The following DNAH8 variants were observed in gnomAD, a reference collection of about 807,000 sequenced individuals.
DNAH8 encodes axonemal beta dynein heavy chain 8.
DNAH8 carries 382 observed loss-of-function variants against 562.1 expected under a neutral mutation model. The ratio of observed to expected loss-of-function variants is 0.68; its 90% CI spans 0.63 to 0.74. The LOEUF is 0.74. Among genes scored for constraint, DNAH8 ranks in the 30% least tolerant of loss-of-function variants. The pLI is 0.00. For missense variants in DNAH8, 5,203 were observed against 5,620.4 expected, an observed-to-expected ratio of 0.93 and a Z score of 2.37; for synonymous variants, 1,881 against 1,919.4, an observed-to-expected ratio of 0.98 and a Z score of 0.52.
At chr6:38,801,448 A>G (rs1770770599) in intron 21 of DNAH8, among the ~76,000 whole-genome samples, 1 of 152,236 alleles carries the variant, frequency 6.6e-6, no homozygotes, top group Non-Finnish European at 1.5e-5. Context: ...GGATGCCAAG[A>G]TAAACATGTG....
intron 75 of DNAH8, chr6:38,931,195 A>C (rs2150576769): frequency 6.6e-6 from 1 of 152,290 alleles, no homozygotes; most frequent in South Asian, 2.1e-4. Context: ...CCAGAGATTT[A>C]AGTCATTTAA....
At position 39,002,854 on chromosome 6, in the gene DNAH8, C is replaced by T. The variant is rs554892096; in HGVS notation, c.13215-5960C>T. Among the ~76,000 whole-genome samples, 26 of 152,272 alleles carry T rather than the reference C, an allele frequency of 1.7e-4. No homozygotes were observed. The East Asian group carries it at 3.9e-3, about 23-fold the overall frequency. Reference sequence around the variant, plus strand: ...TTGCTAGATCTGATACTAGGACCCTCGTATCACTGTATCTGACTGAAAGTT... The same window carrying T: ...TTGCTAGATCTGATACTAGGACCCTTGTATCACTGTATCTGACTGAAAGTT... On this transcript the variant is annotated intron_variant, in intron 88 of 92. Coordinates refer to ENST00000327475, the MANE Select transcript of DNAH8 (RefSeq NM_001206927.2).
intron 24 of DNAH8, among the ~76,000 whole-genome samples, chr6:38,812,869 C>T (rs1028142600): frequency 2.0e-5 from 3 of 152,126 alleles, no homozygotes; most frequent in Non-Finnish European, 4.4e-5. Flanking sequence ...ATTACTTAGC[C>T]TCTCCCTACC....
intron 8 of DNAH8, chr6:38,744,205 G>A (rs1764740867): frequency 6.6e-6 from 1 of 152,166 alleles, no homozygotes; most frequent in African/African-American, 2.4e-5. Flanking sequence ...TCCACATTAT[G>A]TTTGGCATCA....
chr6:38,866,086 A>G (rs1777009830), intron 45 of DNAH8, among the ~76,000 whole-genome samples: 1 of 152,026 alleles, frequency 6.6e-6, no homozygotes, highest in Non-Finnish European at 1.5e-5. Flanking sequence ...CCTCACTGCC[A>G]TCTTTATTTC....
intron 8 of DNAH8, among the ~76,000 whole-genome samples, chr6:38,748,651 G>T (rs1400662922): frequency 6.6e-6 from 1 of 151,732 alleles, no homozygotes; most frequent in Non-Finnish European, 1.5e-5. Context: ...CACTTTGCGA[G>T]GCTGAGGCAG....
chr6:38,998,062 C>T (rs13214237), intron 88 of DNAH8, among the ~76,000 whole-genome samples: 1 of 152,128 alleles, frequency 6.6e-6, no homozygotes, highest in South Asian at 2.1e-4. Context: ...CCAGCCATCA[C>T]TTGATGATAG....
At chr6:38,980,700 A>G (rs1763976241) in intron 85 of DNAH8, among the ~76,000 whole-genome samples, 1 of 152,258 alleles carries the variant, frequency 6.6e-6, no homozygotes, top group Admixed American at 6.5e-5. Flanking sequence ...TTAACTAAAG[A>G]AGTTTAGGTC....
chr6:38,938,249 C>CA (rs1174000575), intron 78 of DNAH8, 23 bp downstream of exon 78: 1 of 1,584,034 alleles, frequency 6.3e-7, no homozygotes, highest in African/African-American at 1.3e-5. Context: ...TACCTTCATC[C>CA]AAAAGTGGTG....
At chr6:38,980,452 A>G (rs1480886451) in intron 85 of DNAH8, among the ~76,000 whole-genome samples, 1 of 152,196 alleles carries the variant, frequency 6.6e-6, no homozygotes, top group Non-Finnish European at 1.5e-5. Flanking sequence ...CTTCCAGGCT[A>G]TGGCCTCTGC....
intron 15 of DNAH8, among the ~76,000 whole-genome samples, chr6:38,780,952 A>G (rs148638087): frequency 1.3e-5 from 2 of 152,220 alleles, no homozygotes; most frequent in African/African-American, 4.8e-5. Flanking sequence ...AGATACTATT[A>G]TGACAGATAT....
At chr6:38,890,130 A>T (rs1779241316) in intron 57 of DNAH8, among the ~76,000 whole-genome samples, 1 of 152,134 alleles carries the variant, frequency 6.6e-6, no homozygotes, top group African/African-American at 2.4e-5. Context: ...GTGGTGACTG[A>T]CTGTAGGCTG....
intron 21 of DNAH8, among the ~76,000 whole-genome samples, chr6:38,799,075 C>A (rs1193774084): frequency 6.6e-6 from 1 of 152,144 alleles, no homozygotes; most frequent in Non-Finnish European, 1.5e-5. Flanking sequence ...GGGAGTCCCA[C>A]AACGTAGGGC....
At chr6:38,956,541 C>T (rs924904734) in intron 82 of DNAH8, among the ~76,000 whole-genome samples, 5 of 152,188 alleles carry the variant, frequency 3.3e-5, no homozygotes, top group African/African-American at 7.2e-5. Flanking sequence ...CTTGGCTCCT[C>T]CTGCTGCATT....
chr6:38,867,996 G>C, intron 47 of DNAH8, 66 bp from the exon 48 acceptor site: 2 of 1,519,634 alleles, frequency 1.3e-6, no homozygotes, highest in Non-Finnish European at 1.8e-6. Context: ...TATGCATAGA[G>C]TGAGCCGTGA....
intron 41 of DNAH8, 144 bp downstream of exon 41, chr6:38,853,491 C>T (rs1416865368): frequency 3.5e-6 from 3 of 846,226 alleles, no homozygotes; most frequent in African/African-American, 1.8e-5. Context: ...ATTTTAGCCT[C>T]AGCTCCCAAC....
intron 3 of DNAH8, among the ~76,000 whole-genome samples, chr6:38,727,819 G>T (rs1182576052): frequency 1.3e-5 from 2 of 152,104 alleles, no homozygotes; most frequent in Non-Finnish European, 2.9e-5. Flanking sequence ...CACTGCTCAA[G>T]ATAGTCTCTT....
At chr6:38,787,954 T>G (rs999562163) in intron 18 of DNAH8, among the ~76,000 whole-genome samples, 2 of 152,042 alleles carry the variant, frequency 1.3e-5, no homozygotes, top group African/African-American at 4.8e-5. Flanking sequence ...AGGACATTTT[T>G]TTTCCAGTAC....
At chr6:38,935,552 A>G in intron 76 of DNAH8, 40 bp from the exon 77 acceptor site, 2 of 1,407,116 alleles carry the variant, frequency 1.4e-6, no homozygotes, top group Non-Finnish European at 2.0e-6. Context: ...AATAACTGGT[A>G]ATTATAGTTC....
Sources: gnomAD v4.1 joint callset for allele counts (sites outside exome capture counted in the v4.1 genomes callset) on GRCh38, gnomAD v4.1.1 for gene constraint, MANE v1.5 for transcripts, NCBI Gene and HGNC (gene_info 2026-07-23, HGNC 2026-07-21) for gene names.